Variants in IMMP2L observed in about 807,000 individuals in gnomAD.
IMMP2L encodes the protein inner mitochondrial membrane peptidase subunit 2, also known as mitochondrial inner membrane protease subunit 2.
IMMP2L carries 18 observed loss-of-function variants against 19.3 expected under a neutral mutation model. That is an observed-to-expected ratio of 0.93 (90% CI 0.64 to 1.38). The LOEUF (loss-of-function observed/expected upper bound fraction) is 1.38, where lower values mean the gene tolerates loss of function less well. IMMP2L is among the 40% of genes most tolerant of loss of function. IMMP2L has a pLI of 0.00. For missense variants in IMMP2L, 233 were observed against 218.2 expected (o/e 1.07, Z -0.43); for synonymous variants, 76 against 73.0 (o/e 1.04, Z -0.21).
At chr7:111,251,494 C>T (rs776605727) in intron 3 of IMMP2L, among the ~76,000 whole-genome samples, 8 of 152,106 alleles carry the variant, frequency 5.3e-5, no homozygotes, top group African/African-American at 1.7e-4. Context: ...AAAAACATGG[C>T]ATCAGCCCAA....
rs540766285 is a variant in IMMP2L, at chr7:110,705,435, A to G, written c.409-41714T>C. ...TGAACTGATTTGTCCAACCCCTAAGAGGTAGTTCCCCAGGTAATGAATTTT... is the reference window on the plus strand; with the variant it reads ...TGAACTGATTTGTCCAACCCCTAAGGGGTAGTTCCCCAGGTAATGAATTTT... On this transcript the variant is annotated intron_variant, in intron 5 of 5. Transcript: ENST00000405709. Among the ~76,000 whole-genome samples, 30 of 152,278 alleles carry G rather than the reference A, an allele frequency of 2.0e-4. No homozygotes were observed. The South Asian group carries it at 6.2e-3, about 32-fold the overall frequency.
intron 3 of IMMP2L, among the ~76,000 whole-genome samples, chr7:111,008,655 A>G (rs1044588701): frequency 1.6e-4 from 24 of 151,916 alleles, no homozygotes; most frequent in African/African-American, 5.8e-4. Context: ...ATTAAAAAAA[A>G]AAATCTGTAA....
At chr7:111,312,435 C>G (rs1823619218) in intron 3 of IMMP2L, among the ~76,000 whole-genome samples, 1 of 152,090 alleles carries the variant, frequency 6.6e-6, no homozygotes, top group South Asian at 2.1e-4. Flanking sequence ...TTATTTTCAG[C>G]TGCATCATTA....
At chr7:110,980,019 T>G (rs55715642) in intron 3 of IMMP2L, among the ~76,000 whole-genome samples, 2 of 152,114 alleles carry the variant, frequency 1.3e-5, no homozygotes, top group East Asian at 3.9e-4. Flanking sequence ...GCTATCATAT[T>G]TTTATAACAT....
At chr7:111,014,456 C>T (rs759258172) in intron 3 of IMMP2L, among the ~76,000 whole-genome samples, 1 of 151,986 alleles carries the variant, frequency 6.6e-6, no homozygotes. Context: ...TAAATGACTC[C>T]TGGATTAATC....
At chr7:111,554,163 C>T (rs181359476) in intron 1 of IMMP2L, among the ~76,000 whole-genome samples, 2 of 152,280 alleles carry the variant, frequency 1.3e-5, no homozygotes, top group African/African-American at 4.8e-5. Flanking sequence ...AATATCACTG[C>T]CTGGACCTCA....
intron 3 of IMMP2L, among the ~76,000 whole-genome samples, chr7:111,417,596 C>T (rs1167399367): frequency 2.0e-5 from 3 of 151,792 alleles, no homozygotes; most frequent in East Asian, 3.9e-4. Flanking sequence ...ACCTCTGTCA[C>T]GAATGTGTCC....
chr7:110,807,694 T>C (rs80298712), intron 5 of IMMP2L, among the ~76,000 whole-genome samples: 2,383 of 152,142 alleles, frequency 0.016, 58 homozygotes, highest in African/African-American at 0.055. Context: ...TGTAAAGAAG[T>C]CTTTAAATCT....
At chr7:111,309,327 T>G (rs543210126) in intron 3 of IMMP2L, among the ~76,000 whole-genome samples, 1 of 152,216 alleles carries the variant, frequency 6.6e-6, no homozygotes, top group East Asian at 1.9e-4. Flanking sequence ...TTTTTGGAAA[T>G]AAACAAAAAT....
chr7:110,697,373 A>G (rs1337060349), intron 5 of IMMP2L, among the ~76,000 whole-genome samples: 6 of 152,170 alleles, frequency 3.9e-5, no homozygotes, highest in African/African-American at 1.4e-4. Flanking sequence ...TTTATACTCA[A>G]ATGTTTATAC....
rs1798077837 is a variant in IMMP2L at position 110,757,022 on chromosome 7, AGTAT to A, written c.409-93305_409-93302del. The stretch of plus-strand genomic sequence containing the variant: ...AGGGAGTGTCTGAGGCACTATATGC[AGTAT>A]GTAATGAAAGATACTGAAATTCCTG... On this transcript the variant is annotated intron_variant, in intron 5 of 5. Coordinates refer to ENST00000405709, the MANE Select transcript of IMMP2L (RefSeq NM_032549.4). This position sits in a 1 kb window ranked among gnomAD's most constrained non-coding sequence, Gnocchi z 4.2. Among the ~76,000 whole-genome samples the A allele has an allele frequency of 6.6e-6, 1 of 152,122 alleles. No individual in the cohort carries two copies. Among genetic ancestry groups the A allele is most frequent in the African/African-American group, 2.4e-5 (1 of 41,454 alleles).
At chr7:111,382,012 T>C (rs756267720) in intron 3 of IMMP2L, among the ~76,000 whole-genome samples, 31 of 151,794 alleles carry the variant, frequency 2.0e-4, no homozygotes, top group Admixed American at 1.3e-4. Flanking sequence ...TGGGAAGCAA[T>C]TGGATGTCAT....
intron 3 of IMMP2L, among the ~76,000 whole-genome samples, chr7:111,326,019 A>G (rs552629120): frequency 6.6e-6 from 1 of 151,948 alleles, no homozygotes; most frequent in East Asian, 1.9e-4. Context: ...TGCATACTGT[A>G]AAACATGCTG....
intron 3 of IMMP2L, among the ~76,000 whole-genome samples, chr7:111,442,164 G>A (rs1837810082): frequency 6.6e-6 from 1 of 151,666 alleles, no homozygotes; most frequent in South Asian, 2.1e-4. Context: ...AGGTAATATA[G>A]TCTGAAATAT....
intron 4 of IMMP2L, among the ~76,000 whole-genome samples, chr7:110,932,544 C>A (rs1193992168): frequency 6.6e-6 from 1 of 152,008 alleles, no homozygotes; most frequent in Admixed American, 6.5e-5. Context: ...TAAGTAGAGA[C>A]GGGGTTTCAC....
At chr7:111,063,803 C>G (rs1321889074) in intron 3 of IMMP2L, among the ~76,000 whole-genome samples, 1 of 152,196 alleles carries the variant, frequency 6.6e-6, no homozygotes, top group Non-Finnish European at 1.5e-5. Context: ...ACAAGTTCCT[C>G]ATCTCTATCT....
At chr7:111,372,183 C>T (rs1345589847) in intron 3 of IMMP2L, among the ~76,000 whole-genome samples, 1 of 151,802 alleles carries the variant, frequency 6.6e-6, no homozygotes, top group Non-Finnish European at 1.5e-5. Context: ...ATGGATACCC[C>T]ATTTTATATG....
intron 3 of IMMP2L, among the ~76,000 whole-genome samples, chr7:111,355,806 A>G (rs1293387409): frequency 1.3e-5 from 2 of 151,960 alleles, no homozygotes; most frequent in African/African-American, 4.8e-5. Flanking sequence ...ATTTTGCTTC[A>G]TATTTCAAAG....
chr7:110,814,332 T>C (rs1410504386), intron 5 of IMMP2L, among the ~76,000 whole-genome samples: 1 of 151,820 alleles, frequency 6.6e-6, no homozygotes, highest in Non-Finnish European at 1.5e-5. Context: ...TTTTGGAACC[T>C]ACATAATTTT....
Sources: allele counts gnomAD v4.1 joint callset (sites outside exome capture counted in the v4.1 genomes callset), GRCh38; gene constraint gnomAD v4.1.1; non-coding constraint Gnocchi (gnomAD v3.1); transcripts MANE v1.5; gene names NCBI Gene and HGNC (gene_info 2026-07-23, HGNC 2026-07-21).